The following CLEC12A variants were observed in gnomAD, a reference collection of about 807,000 sequenced individuals.
The protein encoded by CLEC12A is C-type lectin domain family 12 member A.
In CLEC12A, 22 loss-of-function variants were observed where a neutral mutation model predicts 26.5. That is an observed-to-expected ratio of 0.83 (90% CI 0.59 to 1.19). The LOEUF (loss-of-function observed/expected upper bound fraction) is 1.19, where lower values mean the gene tolerates loss of function less well. Ranked by LOEUF, CLEC12A falls within the 50% of genes most tolerant of loss-of-function variation. The pLI is 0.00. For missense variants in CLEC12A, 353 were observed against 315.6 expected (o/e 1.12, Z -0.90); for synonymous variants, 119 against 101.9 (o/e 1.17, Z -1.01).
intron 1 of CLEC12A, among the ~76,000 whole-genome samples, chr12:9,958,620 A>G (rs544518292): frequency 6.6e-5 from 10 of 152,368 alleles, no homozygotes; most frequent in African/African-American, 2.4e-4. Context: ...GATTGTAACA[A>G]AAGCCCACCA....
At chr12:9,979,143 T>C in intron 2 of CLEC12A, 79 bp downstream of exon 2, 2 of 1,236,598 alleles carry the variant, frequency 1.6e-6, no homozygotes, top group Non-Finnish European at 2.4e-6. Context: ...ATTCCTTCAG[T>C]GGAAGATTTA....
At position 9,952,266 on chromosome 12, in the gene CLEC12A, G is replaced by T. The variant is rs987856232; in HGVS notation, c.10+910G>T. On this transcript the variant is annotated intron_variant, in intron 1 of 6. Transcript: ENST00000355690. ...AGCTGGACTGTACTGCTGCCATCTCGGCTCACTGCAACCTCCCTGCCTGAT... is the reference window on the plus strand; with the variant it reads ...AGCTGGACTGTACTGCTGCCATCTCTGCTCACTGCAACCTCCCTGCCTGAT... Among the ~76,000 whole-genome samples, 7 of 148,040 alleles carry T rather than the reference G, an allele frequency of 4.7e-5. No homozygotes were observed. The Admixed American group carries it at 4.8e-4, about 10-fold the overall frequency.
intron 1 of CLEC12A, chr12:9,951,538 T>C: frequency 1.7e-6 from 1 of 597,004 alleles, no homozygotes; most frequent in South Asian, 2.0e-5. Flanking sequence ...GATAAGTGAG[T>C]GTCATTTGTG....
chr12:9,962,253 CTTTTT>C (rs71049021), intron 1 of CLEC12A, among the ~76,000 whole-genome samples: 2 of 119,230 alleles, frequency 1.7e-5, no homozygotes, highest in African/African-American at 3.1e-5. Flanking sequence ...CCGGTTTTTT[CTTTTT>C]TTTTTTTTTT....
At chr12:9,962,476 G>A (rs151214744) in intron 1 of CLEC12A, among the ~76,000 whole-genome samples, 1 of 152,242 alleles carries the variant, frequency 6.6e-6, no homozygotes, top group East Asian at 1.9e-4. Flanking sequence ...AACAGGCTTT[G>A]TGTGAGCAAC....
chr12:9,966,698 C>G (rs1398719400), upstream of CLEC12A, among the ~76,000 whole-genome samples: 1 of 151,632 alleles, frequency 6.6e-6, no homozygotes, highest in Non-Finnish European at 1.5e-5. Flanking sequence ...TATTATTGTA[C>G]ACTTTGAAGG....
the CLEC12A span, among the ~76,000 whole-genome samples, chr12:10,003,048 T>C: frequency 6.6e-6 from 1 of 152,216 alleles, no homozygotes; most frequent in Admixed American, 6.5e-5. Flanking sequence ...GTGGGTGTTA[T>C]AATGATTCCA....
At chr12:9,981,928 C>T in intron 4 of CLEC12A, 92 bp from the exon 5 acceptor site, 1 of 651,578 alleles carries the variant, frequency 1.5e-6, no homozygotes, top group Non-Finnish European at 2.6e-6. Flanking sequence ...AGTATGTTAC[C>T]TTAAAACAGC....
At chr12:9,967,768 T>G (rs1863998500), upstream of CLEC12A, among the ~76,000 whole-genome samples, 1 of 149,818 alleles carries the variant, frequency 6.7e-6, no homozygotes, top group Non-Finnish European at 1.5e-5. Context: ...AGAGAAGGAG[T>G]AGAGACACGG....
At chr12:9,958,738 A>G (rs1200469462) in intron 1 of CLEC12A, among the ~76,000 whole-genome samples, 1 of 152,204 alleles carries the variant, frequency 6.6e-6, no homozygotes, top group Non-Finnish European at 1.5e-5. Context: ...CAGTCTGAAG[A>G]AACTTCCCAG....
chr12:9,966,172 T>C (rs187383589), intron 1 of CLEC12A, among the ~76,000 whole-genome samples: 68 of 152,286 alleles, frequency 4.5e-4, no homozygotes, highest in Non-Finnish European at 8.5e-4. Context: ...ACAACAGTTA[T>C]GAAGGCAAGG....
chr12:9,985,545 C>G lies in CLEC12A; in HGVS notation c.*519C>G, dbSNP rs1864744928. ...GGATATGGACATGCATTTATTACCT[C>G]TTAAAATTATTATTTTAAGTAAAAG... On this transcript the variant is annotated 3_prime_UTR_variant, in exon 6 of 6. Transcript: ENST00000304361. 2.5e-6 allele frequency: 1 copy of G among 398,368 alleles called. No homozygotes were observed. Among genetic ancestry groups the G allele is most frequent in the Non-Finnish European group, 4.4e-6 (1 of 226,066 alleles). 24.7% of individuals were successfully genotyped at this position (398,368 alleles called of 1,614,324 possible).
At chr12:9,973,800 C>A (rs1327674005) in intron 1 of CLEC12A, among the ~76,000 whole-genome samples, 2 of 152,044 alleles carry the variant, frequency 1.3e-5, no homozygotes, top group Non-Finnish European at 2.9e-5. Flanking sequence ...GACAGACTTC[C>A]GTAATTTTTT....
chr12:9,985,031 T>A lies in CLEC12A; in HGVS notation c.*5T>A, dbSNP rs758774280. ...ACATATTTTAGGGAGGCATGAGGCA[T>A]CAATCAAATACATTTAAGGAGTGTA... On this transcript the variant is annotated 3_prime_UTR_variant, in exon 6 of 6. Transcript: ENST00000304361. 6.6e-7 allele frequency: 1 copy of A among 1,508,972 alleles called. No individual in the cohort carries two copies. Among genetic ancestry groups the A allele is most frequent in the South Asian group, 1.3e-5 (1 of 75,264 alleles). 93.5% of individuals were successfully genotyped at this position (1,508,972 alleles called of 1,614,324 possible). A position where few individuals can be genotyped will look rare whatever the true frequency, so the allele number is the denominator to read the frequency against.
intron 3 of CLEC12A, 70 bp from the exon 4 acceptor site, chr12:9,980,512 G>A (rs1864514401): frequency 5.7e-6 from 8 of 1,403,218 alleles, no homozygotes; most frequent in Non-Finnish European, 7.9e-6. Context: ...GTCACACAGA[G>A]AGGAAAGGAA....
At chr12:9,984,504 G>A (rs990150184) in intron 5 of CLEC12A, among the ~76,000 whole-genome samples, 3 of 151,984 alleles carry the variant, frequency 2.0e-5, no homozygotes, top group Non-Finnish European at 4.4e-5. Flanking sequence ...GCACTTGAGG[G>A]AGAAAGGGTC....
At chr12:9,967,055 G>A (rs71441780), upstream of CLEC12A, among the ~76,000 whole-genome samples, 81,900 of 146,550 alleles carry the variant, frequency 0.56, 22,675 homozygotes, top group South Asian at 0.72. Flanking sequence ...TGTAAGCTGG[G>A]CCAGGTGTGA....
chr12:10,004,971 A>G, the CLEC12A span, among the ~76,000 whole-genome samples: 8 of 148,356 alleles, frequency 5.4e-5, no homozygotes, highest in East Asian at 1.6e-3. Context: ...TCTTCTACCC[A>G]GTATTTCCCT....
intron 1 of CLEC12A, 24 bp from the exon 2 acceptor site, chr12:9,978,942 C>T (rs970379658): frequency 6.4e-7 from 1 of 1,554,024 alleles, no homozygotes; most frequent in Non-Finnish European, 8.9e-7. Context: ...TTTTAGGCCT[C>T]TCTGTTAATT....
Sources: gnomAD v4.1 joint callset for allele counts (sites outside exome capture counted in the v4.1 genomes callset) on GRCh38, gnomAD v4.1.1 for gene constraint, MANE v1.5 for transcripts, NCBI Gene and HGNC (gene_info 2026-07-23, HGNC 2026-07-21) for gene names.